Variants in CEP128 observed in about 807,000 individuals in gnomAD.
The protein encoded by CEP128 is centrosomal protein 128kDa.
CEP128 carries 132 observed loss-of-function variants against 156.7 expected under a neutral mutation model. The observed-to-expected ratio is 0.84, with a 90% CI of 0.73 to 0.97. The LOEUF is 0.97. Among genes scored for constraint, CEP128 ranks in the 50% least tolerant of loss-of-function variants. The probability of loss-of-function intolerance (pLI) is 0.00; values close to 1 mark genes in which losing one functional copy is unlikely to be tolerated. For synonymous variants in CEP128, 469 were observed against 448.9 expected, an observed-to-expected ratio of 1.04 and a Z score of -0.57; for missense variants, 1,252 against 1,281.9, an observed-to-expected ratio of 0.98 and a Z score of 0.36.
chr14:80,650,975 A>G (rs1253979252), intron 19 of CEP128, among the ~76,000 whole-genome samples: 1 of 152,128 alleles, frequency 6.6e-6, no homozygotes, highest in East Asian at 1.9e-4. Context: ...ATTGTTTGGA[A>G]TAGTTTTACA....
At chr14:80,614,662 T>G (rs974098198) in intron 19 of CEP128, among the ~76,000 whole-genome samples, 2 of 152,210 alleles carry the variant, frequency 1.3e-5, no homozygotes, top group Admixed American at 1.3e-4. Flanking sequence ...CTGCTCTTTC[T>G]TTCCTGAGTG....
chr14:80,584,202 A>G (rs984197493), intron 19 of CEP128, among the ~76,000 whole-genome samples: 4 of 132,798 alleles, frequency 3.0e-5, no homozygotes, highest in Non-Finnish European at 6.1e-5. Flanking sequence ...ACTGGAGTGC[A>G]GTGGCGCCAT....
At chr14:80,517,935 G>T (rs960581106) in intron 23 of CEP128, among the ~76,000 whole-genome samples, 1 of 152,058 alleles carries the variant, frequency 6.6e-6, no homozygotes, top group African/African-American at 2.4e-5. Flanking sequence ...TGGACACCCT[G>T]CCAGATCCAG....
intron 21 of CEP128, among the ~76,000 whole-genome samples, chr14:80,532,433 C>T (rs1889270825): frequency 6.6e-6 from 1 of 152,144 alleles, no homozygotes. Context: ...TCTCCCTGAA[C>T]AGAGAGATGC....
At chr14:80,621,124 G>A (rs923537124) in intron 19 of CEP128, among the ~76,000 whole-genome samples, 4 of 152,094 alleles carry the variant, frequency 2.6e-5, no homozygotes, top group Admixed American at 6.5e-5. Flanking sequence ...TCTGAGTGGC[G>A]CATATATGAC....
At chr14:80,547,134 T>C (rs1043851107) in intron 21 of CEP128, among the ~76,000 whole-genome samples, 9 of 152,242 alleles carry the variant, frequency 5.9e-5, no homozygotes, top group Admixed American at 4.6e-4. Context: ...AAGATAGAAC[T>C]AGTAATGCAA....
chr14:80,655,750 T>A (rs1354015730), intron 19 of CEP128, among the ~76,000 whole-genome samples: 3 of 152,182 alleles, frequency 2.0e-5, no homozygotes, highest in Non-Finnish European at 4.4e-5. Context: ...GTGGTGGTTA[T>A]CTTTGCCACT....
At chr14:80,925,466 C>T (rs1040244277) in intron 2 of CEP128, among the ~76,000 whole-genome samples, 2 of 152,212 alleles carry the variant, frequency 1.3e-5, no homozygotes, top group Admixed American at 6.5e-5. Context: ...AATTGCCTTT[C>T]AACTCCAAAT....
chr14:80,556,308 A>C (rs1190561673), intron 21 of CEP128, among the ~76,000 whole-genome samples: 1 of 152,174 alleles, frequency 6.6e-6, no homozygotes, highest in Non-Finnish European at 1.5e-5. Flanking sequence ...GGAATTTCTC[A>C]CAACTACTGG....
intron 2 of CEP128, among the ~76,000 whole-genome samples, chr14:80,946,746 T>G (rs1886353780): frequency 6.6e-6 from 1 of 152,098 alleles, no homozygotes; most frequent in African/African-American, 2.4e-5. Context: ...AGAAGTTGTA[T>G]TTCACCAATA....
chr14:80,614,613 C>A (rs1893137432), intron 19 of CEP128, among the ~76,000 whole-genome samples: 1 of 152,182 alleles, frequency 6.6e-6, no homozygotes, highest in Non-Finnish European at 1.5e-5. Flanking sequence ...CCCTGTCCCA[C>A]CCAGGTAGCC....
chr14:80,719,817 T>G lies in CEP128; in HGVS notation c.2806+23258A>C, dbSNP rs1897746501. On this transcript the variant is annotated intron_variant, in intron 19 of 24. Transcript: ENST00000555265. ...GGAACTAAAAGACAAGTATTTGTTTTCAACACATAGTAACTGTGCACCACC... is the reference window on the plus strand; with the variant it reads ...GGAACTAAAAGACAAGTATTTGTTTGCAACACATAGTAACTGTGCACCACC... 2.0e-5 allele frequency among the ~76,000 whole-genome samples: 3 copies of G among 152,224 alleles called. No individual in the cohort carries two copies. The South Asian group carries it at 6.2e-4, about 32-fold the overall frequency.
At chr14:80,606,813 C>T (rs761272243) in intron 19 of CEP128, among the ~76,000 whole-genome samples, 2 of 151,886 alleles carry the variant, frequency 1.3e-5, no homozygotes, top group Non-Finnish European at 2.9e-5. Flanking sequence ...GGATCCTGAA[C>T]ACCATGTTAT....
intron 16 of CEP128, among the ~76,000 whole-genome samples, chr14:80,776,801 C>T (rs368029583): frequency 6.6e-6 from 1 of 151,980 alleles, no homozygotes; most frequent in Non-Finnish European, 1.5e-5. Context: ...ACTTCTATTA[C>T]CTTCAATTTC....
intron 23 of CEP128, among the ~76,000 whole-genome samples, chr14:80,523,281 C>G (rs769705913): frequency 2.0e-5 from 3 of 152,214 alleles, no homozygotes; most frequent in Admixed American, 6.5e-5. Flanking sequence ...CTCTCCCAAA[C>G]TGAGATGTGG....
chr14:80,710,619 T>A (rs1048068296), intron 19 of CEP128, among the ~76,000 whole-genome samples: 2 of 152,156 alleles, frequency 1.3e-5, no homozygotes, highest in Admixed American at 6.6e-5. Context: ...AAGTGACTTA[T>A]AATTTAAAGT....
chr14:80,800,940 G>T (rs1264736825), intron 13 of CEP128, among the ~76,000 whole-genome samples: 5 of 152,136 alleles, frequency 3.3e-5, no homozygotes, highest in Admixed American at 3.3e-4. Context: ...TGAAACATGA[G>T]AAAGAAGGCA....
At chr14:80,483,283 G>A (rs1364016826) in intron 14 of CEP128, among the ~76,000 whole-genome samples, 1 of 152,114 alleles carries the variant, frequency 6.6e-6, no homozygotes, top group African/African-American at 2.4e-5. Flanking sequence ...CAAATATGAC[G>A]GCCAACACAC....
intron 24 of CEP128, among the ~76,000 whole-genome samples, chr14:80,504,446 T>C (rs1331444216): frequency 1.3e-5 from 2 of 152,180 alleles, no homozygotes; most frequent in African/African-American, 4.8e-5. Context: ...GCCAATGGAC[T>C]CATACATTGT....
Sources: allele counts gnomAD v4.1 joint callset (sites outside exome capture counted in the v4.1 genomes callset), GRCh38; gene constraint gnomAD v4.1.1; transcripts MANE v1.5; gene names NCBI Gene and HGNC (gene_info 2026-07-23, HGNC 2026-07-21).